The following GRIA2 variants were observed in gnomAD, a reference collection of about 807,000 sequenced individuals.
GRIA2 encodes glutamate receptor 2.
Under a neutral mutation model 97.3 loss-of-function variants are expected in GRIA2, and 14 were observed. The ratio of observed to expected loss-of-function variants is 0.14; its 90% confidence interval spans 0.10 to 0.23. The LOEUF is 0.23. GRIA2 is among the 10% of genes least tolerant of loss of function. The probability of loss-of-function intolerance (pLI) is 1.00; values close to 1 mark genes in which losing one functional copy is unlikely to be tolerated. For missense variants in GRIA2, 558 were observed against 1,069.8 expected (o/e 0.52, Z 6.67); for synonymous variants, 412 against 387.8 (o/e 1.06, Z -0.73).
chr4:157,308,188 C>T (rs1579350956), intron 3 of GRIA2, among the ~76,000 whole-genome samples: 1 of 152,198 alleles, frequency 6.6e-6, no homozygotes, highest in East Asian at 1.9e-4. Flanking sequence ...GATGGCTTGT[C>T]TATAACTCAG....
In GRIA2 at chr4:157,333,289, A is replaced by G; in HGVS notation, c.1091A>G (p.Gln364Arg). The change falls in exon 8 of 16, where the codon CAG (glutamine) becomes CGG (arginine). Residue 364 changes from glutamine (Q) to arginine (R), a missense_variant. Around this residue, in one of 8 missense-constraint regions of GRIA2, gnomAD observed 66 missense variants for 118.7 expected, o/e 0.56. Coordinates refer to ENST00000264426, the MANE Select transcript of GRIA2 (RefSeq NM_001083619.3). ...EGLSGNIKFD[Q>R]NGKRINYTIN... The stretch of plus-strand genomic sequence containing the variant: ...CTCTCAGGAAATATAAAGTTTGACC[A>G]GAATGGAAAAAGAATAAACTATACA... 2 of 1,602,350 alleles carry G rather than the reference A, an allele frequency of 1.2e-6. No individual in the cohort carries two copies. Among genetic ancestry groups the G allele is most frequent in the Non-Finnish European group, 1.7e-6 (2 of 1,171,966 alleles).
intron 2 of GRIA2, among the ~76,000 whole-genome samples, chr4:157,277,864 G>GTATATATGTATA: frequency 7.0e-6 from 1 of 142,898 alleles, no homozygotes; most frequent in Non-Finnish European, 1.5e-5. Context: ...GTATATATAT[G>GTATATATGTATA]TATATATGTA....
intron 2 of GRIA2, among the ~76,000 whole-genome samples, chr4:157,237,802 G>A (rs957128849): frequency 6.6e-6 from 1 of 152,086 alleles, no homozygotes; most frequent in Admixed American, 6.6e-5. Context: ...AACATTAACG[G>A]AGCCCAGAGG....
chr4:157,343,923 T>A (rs1735657976), intron 12 of GRIA2, among the ~76,000 whole-genome samples: 1 of 152,092 alleles, frequency 6.6e-6, no homozygotes, highest in Non-Finnish European at 1.5e-5. Flanking sequence ...TATTTGATAA[T>A]TAGATGCCAT....
intron 2 of GRIA2, among the ~76,000 whole-genome samples, chr4:157,252,014 A>G (rs1423573895): frequency 2.0e-5 from 3 of 152,162 alleles, no homozygotes; most frequent in African/African-American, 7.2e-5. Context: ...TAGTGCAACC[A>G]TTGACATGAA....
In GRIA2 at chr4:157,331,998, A is replaced by G. The variant is rs552104565; in HGVS notation, c.883-821A>G. Among the ~76,000 whole-genome samples the G allele has an allele frequency of 2.2e-4, 33 of 152,170 alleles. 2 individuals carry two copies. The highest frequency in any genetic ancestry group is 7.9e-4 in the African/African-American group (33 of 41,550). ...TACCTACAGATTGAAAAACAATGAC[A>G]GAAATTTTCTCAACGTTCAGTAAAA... On this transcript the variant is annotated intron_variant, in intron 6 of 15. Transcript: ENST00000264426.
chr4:157,313,654 T>C (rs1299659356), intron 4 of GRIA2, among the ~76,000 whole-genome samples: 4 of 152,038 alleles, frequency 2.6e-5, no homozygotes, highest in Non-Finnish European at 5.9e-5. Flanking sequence ...GCATCAACAT[T>C]ATGATTGATT....
intron 12 of GRIA2, among the ~76,000 whole-genome samples, chr4:157,357,519 CAAT>C (rs1736444234): frequency 6.6e-6 from 1 of 152,090 alleles, no homozygotes; most frequent in Non-Finnish European, 1.5e-5. Context: ...TCAGTATCAT[CAAT>C]GTGTATTTTA....
chr4:157,293,311 A>G (rs1184260900), intron 2 of GRIA2, among the ~76,000 whole-genome samples: 1 of 152,180 alleles, frequency 6.6e-6, no homozygotes, highest in East Asian at 1.9e-4. Context: ...ATATCTTTCA[A>G]TTAGGGAATG....
At chr4:157,334,176 C>T in intron 9 of GRIA2, 56 bp downstream of exon 9, 1 of 830,524 alleles carries the variant, frequency 1.2e-6, no homozygotes, top group African/African-American at 1.7e-5. Flanking sequence ...CTAATATCTG[C>T]AGGAGTAGCT....
At chr4:157,315,693 C>G (rs769783289) in intron 4 of GRIA2, among the ~76,000 whole-genome samples, 9 of 152,204 alleles carry the variant, frequency 5.9e-5, no homozygotes, top group East Asian at 3.9e-4. Context: ...CAGGCACACA[C>G]CACGCCCAGC....
At chr4:157,224,921 A>G (rs1729674175) in intron 2 of GRIA2, among the ~76,000 whole-genome samples, 1 of 152,140 alleles carries the variant, frequency 6.6e-6, no homozygotes, top group Non-Finnish European at 1.5e-5. Context: ...TCATCTTGCA[A>G]TGCTCTTGAA....
At chr4:157,354,046 C>A (rs1314567101) in intron 12 of GRIA2, among the ~76,000 whole-genome samples, 46 of 152,076 alleles carry the variant, frequency 3.0e-4, no homozygotes, top group Admixed American at 3.0e-3. Flanking sequence ...ATTTTATGCT[C>A]ACTTGATTCA....
chr4:157,227,773 G>T (rs1729813801), intron 2 of GRIA2, among the ~76,000 whole-genome samples: 1 of 152,032 alleles, frequency 6.6e-6, no homozygotes, highest in Non-Finnish European at 1.5e-5. Context: ...AATTTCTCAG[G>T]TTTTCTCCAA....
chr4:157,360,639 CT>C (rs1736593843), intron 13 of GRIA2: 3 of 457,666 alleles, frequency 6.6e-6, no homozygotes, highest in Non-Finnish European at 1.3e-5. Context: ...CTTTGAATTT[CT>C]TTGCACACAT....
At chr4:157,325,554 T>C (rs1734766181) in intron 6 of GRIA2, among the ~76,000 whole-genome samples, 1 of 152,196 alleles carries the variant, frequency 6.6e-6, no homozygotes, top group Non-Finnish European at 1.5e-5. Flanking sequence ...GTAGCATTGA[T>C]GGAGGTTGTC....
chr4:157,292,036 C>T (rs1222139501), intron 2 of GRIA2, among the ~76,000 whole-genome samples: 1 of 151,852 alleles, frequency 6.6e-6, no homozygotes, highest in Non-Finnish European at 1.5e-5. Context: ...AATCATAAAA[C>T]AGTTCTTAGT....
At position 157,314,556 on chromosome 4, in the gene GRIA2, G is replaced by A. The variant is rs149915562; in HGVS notation, c.666+1681G>A. On this transcript the variant is annotated intron_variant, in intron 4 of 15. Transcript: ENST00000264426. ...AAAAATGCATTTGAATTTCATAGAG[G>A]TTCTCATTAAAACTGAATTTTAATA... is the stretch of plus-strand genomic sequence containing the variant. Among the ~76,000 whole-genome samples, 36 of 152,172 alleles carry A rather than the reference G, an allele frequency of 2.4e-4. No homozygotes were observed. The East Asian group carries it at 6.8e-3, about 29-fold the overall frequency.
intron 6 of GRIA2, among the ~76,000 whole-genome samples, chr4:157,329,835 G>GGACTCAA (rs1464894124): frequency 6.6e-6 from 1 of 151,786 alleles, no homozygotes; most frequent in African/African-American, 2.4e-5. Flanking sequence ...AAGGTTCCTG[G>GGACTCAA]GACTCAAGAC....
Sources: allele counts gnomAD v4.1 joint callset (sites outside exome capture counted in the v4.1 genomes callset), GRCh38; gene constraint gnomAD v4.1.1; regional missense constraint gnomAD v4.1.1; transcripts MANE v1.5; gene names NCBI Gene and HGNC (gene_info 2026-07-23, HGNC 2026-07-21).